PPIG: variants seen among roughly 807,000 people sequenced by gnomAD.
PPIG encodes peptidylprolyl isomerase G, also known as peptidyl-prolyl cis-trans isomerase G.
In PPIG, 26 loss-of-function variants were observed where a neutral mutation model predicts 87.9. That is an observed-to-expected ratio of 0.30 (90% CI 0.22 to 0.41). The LOEUF (loss-of-function observed/expected upper bound fraction) is 0.41. Ranked by LOEUF, PPIG falls within the 10% of genes least tolerant of loss-of-function variation. The probability of loss-of-function intolerance (pLI) is 1.00; values close to 1 mark genes in which losing one functional copy is unlikely to be tolerated. For synonymous variants in PPIG, 308 were observed against 276.5 expected (o/e 1.11, Z -1.13); for missense variants, 722 against 879.4 (o/e 0.82, Z 2.26).
At chr2:169,589,895 C>T (rs972792816) in intron 1 of PPIG, among the ~76,000 whole-genome samples, 7 of 151,286 alleles carry the variant, frequency 4.6e-5, no homozygotes, top group African/African-American at 1.2e-4. Flanking sequence ...GGATCACCTG[C>T]GATTGGGAGT....
intron 4 of PPIG, among the ~76,000 whole-genome samples, chr2:169,604,797 C>G (rs112439040): frequency 0.15 from 22,244 of 151,336 alleles, 1,773 homozygotes; most frequent in Middle Eastern, 0.21. Context: ...TCACTTGAAC[C>G]CGAGAGGCAG....
rs544582112 is a variant in PPIG, at chr2:169,640,896, G to A, written c.*3373G>A. 1 of 152,248 alleles carries A rather than the reference G, an allele frequency of 6.6e-6. No individual in the cohort carries two copies. The highest frequency in any genetic ancestry group is 1.5e-5 in the Non-Finnish European group (1 of 67,998). 9.4% of individuals were successfully genotyped at this position (152,248 alleles called of 1,614,324 possible). A position where few individuals can be genotyped will look rare whatever the true frequency, so the allele number is the denominator to read the frequency against. On this transcript the variant is annotated 3_prime_UTR_variant, in exon 14 of 14. Transcript: ENST00000260970. ...TATTAAAGGAAAAGAAAAATGACAT[G>A]AATAAGAAAATTCCGTCAACAAGGT...
chr2:169,619,176 G>A (rs1427359267), intron 9 of PPIG, among the ~76,000 whole-genome samples: 4 of 152,152 alleles, frequency 2.6e-5, no homozygotes, highest in Non-Finnish European at 5.9e-5. Flanking sequence ...TAATTGTGCA[G>A]TTTTGAGTGA....
At chr2:169,600,686 AG>A (rs1335827256) in intron 1 of PPIG, among the ~76,000 whole-genome samples, 1 of 151,798 alleles carries the variant, frequency 6.6e-6, no homozygotes, top group Non-Finnish European at 1.5e-5. Context: ...ATAAGAAAAA[AG>A]AAAAAAATAT....
intron 1 of PPIG, among the ~76,000 whole-genome samples, chr2:169,585,657 A>G (rs79306213): frequency 0.027 from 4,144 of 152,272 alleles, 78 homozygotes; most frequent in East Asian, 0.1. Flanking sequence ...TTGTGCATTG[A>G]TTTTAATTTC....
chr2:169,607,631 AAAT>A (rs1322249459), intron 6 of PPIG, among the ~76,000 whole-genome samples: 3 of 152,310 alleles, frequency 2.0e-5, no homozygotes, highest in South Asian at 2.1e-4. Context: ...TTTAATGTGG[AAAT>A]AATTTAATAT....
intron 1 of PPIG, among the ~76,000 whole-genome samples, chr2:169,596,689 A>T (rs1468585437): frequency 6.6e-6 from 1 of 152,018 alleles, no homozygotes; most frequent in African/African-American, 2.4e-5. Context: ...AACCAGCACT[A>T]ATATCTCTCC....
intron 1 of PPIG, among the ~76,000 whole-genome samples, chr2:169,594,409 A>G (rs1684962049): frequency 6.6e-6 from 1 of 152,038 alleles, no homozygotes; most frequent in African/African-American, 2.4e-5. Context: ...TGGAAAACAA[A>G]TACATTAAAA....
At chr2:169,601,058 ATTG>A (rs1685167280) in intron 1 of PPIG, among the ~76,000 whole-genome samples, 1 of 152,158 alleles carries the variant, frequency 6.6e-6, no homozygotes, top group African/African-American at 2.4e-5. Context: ...GAAATAGGGT[ATTG>A]TTTTATGGTG....
intron 1 of PPIG, among the ~76,000 whole-genome samples, chr2:169,589,997 T>C (rs1684815975): frequency 6.6e-6 from 1 of 151,926 alleles, no homozygotes; most frequent in African/African-American, 2.4e-5. Context: ...TAATCCCAGC[T>C]ACTCGGGAGG....
chr2:169,602,772 A>G (rs1297185315), intron 1 of PPIG, among the ~76,000 whole-genome samples: 1 of 152,202 alleles, frequency 6.6e-6, no homozygotes, highest in Non-Finnish European at 1.5e-5. Flanking sequence ...GAAGGATATG[A>G]TAAGGTTTGT....
Position 169,639,951 on chromosome 2 carries a change from TA to T in PPIG, c.*2433del, listed in dbSNP as rs1686274188. The T allele has an allele frequency of 6.6e-6, 1 of 152,166 alleles. No homozygotes were observed. Among genetic ancestry groups the T allele is most frequent in the African/African-American group, 2.4e-5 (1 of 41,456 alleles). 9.4% of individuals were successfully genotyped at this position (152,166 alleles called of 1,614,324 possible). The stretch of plus-strand genomic sequence containing the variant: ...AAGTATTTTTGACTTAATATCCTTT[TA>T]AAAATATTTAAACTGATTTATTGCT... On this transcript the variant is annotated 3_prime_UTR_variant, in exon 14 of 14. Transcript: ENST00000260970.
At chr2:169,621,961 T>C (rs1685766711) in intron 9 of PPIG, among the ~76,000 whole-genome samples, 1 of 150,446 alleles carries the variant, frequency 6.6e-6, no homozygotes, top group Admixed American at 6.6e-5. Flanking sequence ...TAATTAACCA[T>C]GTGTAGTCCC....
At chr2:169,635,245 G>T (rs1339183225) in intron 12 of PPIG, among the ~76,000 whole-genome samples, 1 of 151,964 alleles carries the variant, frequency 6.6e-6, no homozygotes, top group Non-Finnish European at 1.5e-5. Context: ...TGATCTTAGG[G>T]TAAATCCAAA....
chr2:169,586,960 G>T (rs920781768), intron 1 of PPIG, among the ~76,000 whole-genome samples: 1 of 152,194 alleles, frequency 6.6e-6, no homozygotes, highest in South Asian at 2.1e-4. Flanking sequence ...TTCAGACAGA[G>T]TCTTGCTCTG....
intron 9 of PPIG, among the ~76,000 whole-genome samples, chr2:169,627,061 T>G (rs1685906985): frequency 6.6e-6 from 1 of 152,150 alleles, no homozygotes; most frequent in African/African-American, 2.4e-5. Flanking sequence ...CAGATTATAT[T>G]CCTATAAAAA....
intron 1 of PPIG, chr2:169,584,895 G>T: frequency 4.6e-6 from 1 of 216,188 alleles, no homozygotes; most frequent in South Asian, 5.4e-5. Context: ...CAGCACTGTT[G>T]CGGGGTAGGT....
intron 1 of PPIG, among the ~76,000 whole-genome samples, chr2:169,594,607 A>T: frequency 7.0e-6 from 1 of 143,508 alleles, no homozygotes; most frequent in Non-Finnish European, 1.5e-5. Context: ...TTTCTTCTTC[A>T]GTTTTACTCT....
At chr2:169,635,152 A>G (rs753413146) in intron 12 of PPIG, among the ~76,000 whole-genome samples, 4 of 152,178 alleles carry the variant, frequency 2.6e-5, no homozygotes, top group Admixed American at 6.5e-5. Context: ...TTTGAGATTC[A>G]CTGTCTGATC....
Sources: allele counts gnomAD v4.1 joint callset (sites outside exome capture counted in the v4.1 genomes callset), GRCh38; gene constraint gnomAD v4.1.1; transcripts MANE v1.5; gene names NCBI Gene and HGNC (gene_info 2026-07-23, HGNC 2026-07-21).